Variants in FAR1 observed in about 807,000 individuals in gnomAD.
FAR1 encodes fatty acyl-CoA reductase 1.
Under a neutral mutation model 61.1 loss-of-function variants are expected in FAR1, and 22 were observed. The ratio of observed to expected loss-of-function variants is 0.36; its 90% CI spans 0.26 to 0.51. The LOEUF is 0.51. Ranked by LOEUF, FAR1 falls within the 20% of genes least tolerant of loss-of-function variation. The probability of loss-of-function intolerance (pLI) is 0.95; values close to 1 mark genes in which losing one functional copy is unlikely to be tolerated. For synonymous variants in FAR1, 206 were observed against 209.7 expected, an observed-to-expected ratio of 0.98 and a Z score of 0.15; for missense variants, 359 against 626.9, an observed-to-expected ratio of 0.57 and a Z score of 4.56.
intron 1 of FAR1, chr11:13,670,257 A>T (rs1220945980): frequency 6.6e-6 from 1 of 151,656 alleles, no homozygotes; most frequent in Non-Finnish European, 1.5e-5. Flanking sequence ...ATTTTCCATA[A>T]AATTATTTTA....
intron 2 of FAR1, among the ~76,000 whole-genome samples, chr11:13,698,429 A>G (rs1848332074): frequency 6.6e-6 from 1 of 152,220 alleles, no homozygotes; most frequent in Non-Finnish European, 1.5e-5. Flanking sequence ...TTTGATTCAG[A>G]CAAGTAAATA....
At chr11:13,727,409 A>T (rs1005585597) in intron 10 of FAR1, 147 bp from the exon 11 acceptor site, 1 of 536,492 alleles carries the variant, frequency 1.9e-6, no homozygotes, top group Admixed American at 3.9e-5. Context: ...TTCAGTGACT[A>T]GCGGTAAGAT....
At chr11:13,711,543 G>A (rs995808489) in intron 5 of FAR1, among the ~76,000 whole-genome samples, 1 of 152,070 alleles carries the variant, frequency 6.6e-6, no homozygotes, top group African/African-American at 2.4e-5. Context: ...AAGAGTAGTA[G>A]GTAGCCCTTT....
At chr11:13,722,424 T>G (rs1304291954) in intron 10 of FAR1, among the ~76,000 whole-genome samples, 1 of 152,084 alleles carries the variant, frequency 6.6e-6, no homozygotes, top group Non-Finnish European at 1.5e-5. Context: ...CCACTCCCAC[T>G]CACTTAAAAT....
intron 10 of FAR1, among the ~76,000 whole-genome samples, chr11:13,725,734 T>C (rs1016131990): frequency 1.3e-5 from 2 of 152,148 alleles, no homozygotes; most frequent in African/African-American, 4.8e-5. Flanking sequence ...TCTTATCTTT[T>C]AGATATGTCT....
At position 13,710,744 on chromosome 11, in the gene FAR1, C is replaced by G; in HGVS notation, c.597C>G (p.Asp199Glu). Residue 199 changes from aspartate to glutamate, a missense_variant, in exon 5 of 12, where the codon GAC (aspartate) becomes GAG (glutamate). This residue lies in a region of FAR1 where 344 missense variants were observed against 570.3 expected (regional missense o/e 0.60). Coordinates refer to ENST00000354817, the MANE Select transcript of FAR1 (RefSeq NM_032228.6). The stretch of plus-strand genomic sequence containing the variant: ...ATATCACGCCAAAATTGATAGGAGA[C>G]AGACCTAATACATACATATACACAA... ...VNDITPKLIGDRPNTYIYTKA... is the reference protein window; with the variant it reads ...VNDITPKLIGERPNTYIYTKA... The G allele has an allele frequency of 6.2e-7, 1 of 1,606,944 alleles. No individual in the cohort carries two copies. The highest frequency in any genetic ancestry group is 8.5e-7 in the Non-Finnish European group (1 of 1,178,164).
intron 8 of FAR1, among the ~76,000 whole-genome samples, chr11:13,714,197 T>C (rs1848531404): frequency 6.6e-6 from 1 of 152,092 alleles, no homozygotes; most frequent in Non-Finnish European, 1.5e-5. Context: ...GAAGCTATCG[T>C]GAGAGGTGAA....
At chr11:13,686,547 A>AAAAAATGACT (rs1305550004) in intron 1 of FAR1, 1 of 152,194 alleles carries the variant, frequency 6.6e-6, no homozygotes, top group Non-Finnish European at 1.5e-5. Flanking sequence ...TGTGCTTTTT[A>AAAAAATGACT]AAAAATGACT....
At chr11:13,717,466 G>A (rs951694847) in intron 9 of FAR1, among the ~76,000 whole-genome samples, 2 of 152,184 alleles carry the variant, frequency 1.3e-5, no homozygotes, top group Non-Finnish European at 2.9e-5. Flanking sequence ...AGTCAGATAT[G>A]TGTTGATGAT....
chr11:13,710,613 A>C, intron 4 of FAR1, 80 bp from the exon 5 acceptor site: 1 of 1,202,026 alleles, frequency 8.3e-7, no homozygotes, highest in South Asian at 1.7e-5. Flanking sequence ...ATATGTTTGA[A>C]TGTGCGAAGT....
chr11:13,691,296 G>T (rs974757546), intron 1 of FAR1, among the ~76,000 whole-genome samples: 1 of 152,186 alleles, frequency 6.6e-6, no homozygotes, highest in East Asian at 1.9e-4. Context: ...TCCCATTGAT[G>T]AGGAAGGAGC....
chr11:13,685,581 T>G (rs1245442895), intron 1 of FAR1: 1 of 215,254 alleles, frequency 4.6e-6, no homozygotes, highest in Non-Finnish European at 1.0e-5. Context: ...CTAAATCCAC[T>G]GGGAGTGGGA....
rs1471153315 is a variant in FAR1 at position 13,729,786 on chromosome 11, C to T, written c.*1012C>T. ...TAGTAATAGCATTAAAAAATATACT[C>T]GTGTGTAAACACATACTAATTTTGA... On this transcript the variant is annotated 3_prime_UTR_variant, in exon 12 of 12. Coordinates refer to ENST00000354817, the MANE Select transcript of FAR1 (RefSeq NM_032228.6). 2.0e-5 allele frequency: 3 copies of T among 152,016 alleles called. No individual in the cohort carries two copies. The highest frequency in any genetic ancestry group is 2.0e-4 in the Admixed American group (3 of 15,240). The allele number at this position is 152,016 out of a possible 1,614,324, so 9.4% of individuals were successfully genotyped here. A position where few individuals can be genotyped will look rare whatever the true frequency, so the allele number is the denominator to read the frequency against.
At chr11:13,684,523 A>G (rs1400454120) in intron 1 of FAR1, among the ~76,000 whole-genome samples, 1 of 152,230 alleles carries the variant, frequency 6.6e-6, no homozygotes, top group Non-Finnish European at 1.5e-5. Context: ...TATTTTAAAG[A>G]TAAAGAAACT....
intron 1 of FAR1, among the ~76,000 whole-genome samples, chr11:13,673,007 A>G (rs2134164889): frequency 6.6e-6 from 1 of 152,350 alleles, no homozygotes; most frequent in African/African-American, 2.4e-5. Flanking sequence ...GGTTTGCAAC[A>G]GGCTTAGAGT....
intron 1 of FAR1, among the ~76,000 whole-genome samples, chr11:13,676,407 A>G (rs534676725): frequency 1.3e-5 from 2 of 152,276 alleles, no homozygotes; most frequent in African/African-American, 4.8e-5. Flanking sequence ...AGAAGTAAAA[A>G]CTTTGACTTA....
At chr11:13,691,720 TCAGTAG>T (rs927817058) in intron 1 of FAR1, among the ~76,000 whole-genome samples, 1 of 152,238 alleles carries the variant, frequency 6.6e-6, no homozygotes, top group African/African-American at 2.4e-5. Context: ...TTTTTATGGC[TCAGTAG>T]TATTCCATTG....
intron 3 of FAR1, among the ~76,000 whole-genome samples, chr11:13,705,273 C>T (rs1321633707): frequency 6.6e-6 from 1 of 151,864 alleles, no homozygotes; most frequent in African/African-American, 2.4e-5. Flanking sequence ...GTCAGAGTCT[C>T]AGTCTGAAGG....
chr11:13,686,216 A>C (rs1314528807), intron 1 of FAR1, among the ~76,000 whole-genome samples: 1 of 152,224 alleles, frequency 6.6e-6, no homozygotes, highest in African/African-American at 2.4e-5. Context: ...AGAGAGAGAC[A>C]GTTTGTGCTA....
Sources: allele counts gnomAD v4.1 joint callset (sites outside exome capture counted in the v4.1 genomes callset), GRCh38; gene constraint gnomAD v4.1.1; regional missense constraint gnomAD v4.1.1; transcripts MANE v1.5; gene names NCBI Gene and HGNC (gene_info 2026-07-23, HGNC 2026-07-21).